The following TMC7 variants were observed in gnomAD, a reference collection of about 807,000 sequenced individuals.
TMC7 encodes transmembrane channel like 7.
TMC7 carries 54 observed loss-of-function variants against 82.9 expected under a neutral mutation model. The ratio of observed to expected loss-of-function variants is 0.65; its 90% confidence interval spans 0.52 to 0.82. The LOEUF is 0.82. TMC7 is among the 40% of genes least tolerant of loss of function. The probability of loss-of-function intolerance (pLI) is 0.00; values close to 1 mark genes in which losing one functional copy is unlikely to be tolerated. For synonymous variants in TMC7, 350 were observed against 337.9 expected, an observed-to-expected ratio of 1.04 and a Z score of -0.39; for missense variants, 820 against 901.2, an observed-to-expected ratio of 0.91 and a Z score of 1.15.
chr16:19,040,841 G>A lies in TMC7; in HGVS notation c.1337+395G>A, dbSNP rs145662925. Among the ~76,000 whole-genome samples the A allele has an allele frequency of 3.0e-3, 457 of 151,304 alleles. 3 individuals carry two copies. The highest frequency in any genetic ancestry group is 0.01 in the African/African-American group (425 of 41,244). Reference sequence around the variant, plus strand: ...TTCTGTTTCTCAAATGCCTTAGATTGCATTTGCATCTTATTTCAAACATTT... The same window carrying A: ...TTCTGTTTCTCAAATGCCTTAGATTACATTTGCATCTTATTTCAAACATTT... On this transcript the variant is annotated intron_variant, in intron 9 of 15. Coordinates refer to ENST00000304381, the MANE Select transcript of TMC7 (RefSeq NM_024847.4).
At chr16:18,994,021 G>T (rs1319702858) in intron 1 of TMC7, among the ~76,000 whole-genome samples, 1 of 152,122 alleles carries the variant, frequency 6.6e-6, no homozygotes, top group African/African-American at 2.4e-5. Flanking sequence ...ATGGGGAAAT[G>T]AAGTGAATGT....
intron 4 of TMC7, 136 bp downstream of exon 4, chr16:19,021,932 C>CTTTGGGGTCTG: frequency 9.5e-7 from 1 of 1,051,056 alleles, no homozygotes. Flanking sequence ...GGTTATGCTG[C>CTTTGGGGTCTG]AGAAACAAGT....
chr16:19,020,252 A>C (rs1405910459), intron 3 of TMC7, among the ~76,000 whole-genome samples: 12 of 152,228 alleles, frequency 7.9e-5, no homozygotes. Flanking sequence ...TGAAATATTG[A>C]AAGCTCTTTC....
chr16:19,045,238 A>G, intron 10 of TMC7, 103 bp from the exon 11 acceptor site: 1 of 1,001,470 alleles, frequency 1.0e-6, no homozygotes, highest in East Asian at 2.4e-5. Context: ...CACTGGAGCC[A>G]CAGGATCTGG....
At chr16:19,042,377 G>C (rs1596781326) in intron 9 of TMC7, among the ~76,000 whole-genome samples, 1 of 151,762 alleles carries the variant, frequency 6.6e-6, no homozygotes, top group African/African-American at 2.4e-5. Flanking sequence ...ATCTCCTCAC[G>C]TTGCCCAGGC....
intron 1 of TMC7, among the ~76,000 whole-genome samples, chr16:19,007,441 C>A: frequency 6.6e-6 from 1 of 152,176 alleles, no homozygotes; most frequent in East Asian, 1.9e-4. Flanking sequence ...ACCAACGAAA[C>A]CGCCCACCAG....
At position 18,991,894 on chromosome 16, in the gene TMC7, G is replaced by A. The variant is rs1162282898; in HGVS notation, c.67+7764G>A. On this transcript the variant is annotated intron_variant, in intron 1 of 15. Coordinates refer to ENST00000304381, the MANE Select transcript of TMC7 (RefSeq NM_024847.4). Reference sequence around the variant, plus strand: ...AGTTTGCTGAGAATGCTGGTTTCCAGCGTCATCCATGTTGCTACAAAGGAC... The same window carrying A: ...AGTTTGCTGAGAATGCTGGTTTCCAACGTCATCCATGTTGCTACAAAGGAC... 2.6e-5 allele frequency among the ~76,000 whole-genome samples: 4 copies of A among 152,172 alleles called. No homozygotes were observed. The East Asian group carries it at 7.7e-4, about 29-fold the overall frequency.
intron 3 of TMC7, among the ~76,000 whole-genome samples, chr16:19,020,025 T>C (rs1199585162): frequency 6.6e-6 from 1 of 152,142 alleles, no homozygotes; most frequent in Non-Finnish European, 1.5e-5. Flanking sequence ...ATTTAATCAT[T>C]ATCTAGCGGA....
At chr16:19,008,672 G>A (rs747739300) in intron 1 of TMC7, among the ~76,000 whole-genome samples, 18 of 152,176 alleles carry the variant, frequency 1.2e-4, no homozygotes, top group Non-Finnish European at 1.5e-4. Flanking sequence ...TATGTGTGAA[G>A]CTCTTAACAC....
chr16:19,055,342 C>T (rs536783296), intron 13 of TMC7, among the ~76,000 whole-genome samples: 1 of 152,256 alleles, frequency 6.6e-6, no homozygotes, highest in South Asian at 2.1e-4. Flanking sequence ...CTCCAATTGT[C>T]CCCTAAATAG....
In TMC7 at chr16:19,023,452, T is replaced by G. The variant is rs146375857; in HGVS notation, c.711+257T>G. Among the ~76,000 whole-genome samples the G allele has an allele frequency of 2.7e-3, 411 of 152,202 alleles. 4 individuals carry two copies. Among genetic ancestry groups the G allele is most frequent in the African/African-American group, 9.5e-3 (396 of 41,548 alleles). On this transcript the variant is annotated intron_variant, in intron 5 of 15. Transcript: ENST00000304381. The stretch of plus-strand genomic sequence containing the variant: ...TCTAGTCCTTTCTTTTTATTTATTA[T>G]TATTATTTTTTTGAGATGGAGTCTC...
intron 1 of TMC7, among the ~76,000 whole-genome samples, chr16:19,002,567 C>T (rs1033727180): frequency 3.3e-4 from 50 of 152,136 alleles, no homozygotes; most frequent in Admixed American, 2.2e-3. Context: ...AGCAAGACAC[C>T]GCTTTTAAGC....
intron 3 of TMC7, among the ~76,000 whole-genome samples, chr16:19,020,791 G>T (rs973553625): frequency 3.9e-5 from 6 of 151,940 alleles, no homozygotes; most frequent in African/African-American, 1.2e-4. Flanking sequence ...GGCAGAGGTT[G>T]CAGTGAGCTG....
intron 3 of TMC7, among the ~76,000 whole-genome samples, chr16:19,017,099 C>A (rs1012281104): frequency 6.6e-6 from 1 of 152,084 alleles, no homozygotes; most frequent in African/African-American, 2.4e-5. Context: ...GCATGAGAAT[C>A]ACTTGAACCT....
intron 6 of TMC7, among the ~76,000 whole-genome samples, chr16:19,031,400 A>T (rs759887618): frequency 1.3e-5 from 2 of 152,206 alleles, no homozygotes; most frequent in Non-Finnish European, 2.9e-5. Context: ...CCTGTGGGAG[A>T]CAAGTGGTTT....
At chr16:19,000,770 A>G (rs534133542) in intron 1 of TMC7, among the ~76,000 whole-genome samples, 23 of 152,220 alleles carry the variant, frequency 1.5e-4, no homozygotes, top group Middle Eastern at 6.8e-3. Flanking sequence ...TGTAATTTCA[A>G]TACTTTGGGA....
At position 19,037,987 on chromosome 16, in the gene TMC7, A is replaced by G. The variant is rs76074663; in HGVS notation, c.1119A>G (p.Leu373=). ...TGAACTGTATTGTTCTGGCTGTTTT[A>G]GGGGCATGCTTTTATGCAATATACG... ...LFLNCIVLAV[L]GACFYAIYVA... The change falls in exon 8 of 16, where the codon TTA becomes TTG. Residue 373 remains leucine (L), a synonymous_variant. Transcript: ENST00000304381. 6.2e-7 allele frequency: 1 copy of G among 1,614,128 alleles called. No individual in the cohort carries two copies. The highest frequency in any genetic ancestry group is 8.5e-7 in the Non-Finnish European group (1 of 1,180,016).
intron 1 of TMC7, among the ~76,000 whole-genome samples, chr16:18,989,478 T>C (rs56052301): frequency 0.035 from 5,222 of 150,056 alleles, 294 homozygotes; most frequent in African/African-American, 0.12. Context: ...GCCTCTGACC[T>C]TTGTAACAAT....
At chr16:19,060,841 C>A (rs11641522) in intron 15 of TMC7, among the ~76,000 whole-genome samples, 15 of 148,798 alleles carry the variant, frequency 1.0e-4, no homozygotes, top group Admixed American at 8.1e-4. Flanking sequence ...GTCTGGAGTG[C>A]AGTGCCGCAA....
Sources: allele counts gnomAD v4.1 joint callset (sites outside exome capture counted in the v4.1 genomes callset), GRCh38; gene constraint gnomAD v4.1.1; transcripts MANE v1.5; gene names NCBI Gene and HGNC (gene_info 2026-07-23, HGNC 2026-07-21).